The following MAN2A1 variants were observed in gnomAD, a reference collection of about 807,000 sequenced individuals.
The protein encoded by MAN2A1 is alpha-mannosidase 2.
Under a neutral mutation model 142.6 loss-of-function variants are expected in MAN2A1, and 76 were observed. That is an observed-to-expected ratio of 0.53 (90% CI 0.44 to 0.65). The LOEUF (loss-of-function observed/expected upper bound fraction) is 0.65, where lower values mean the gene tolerates loss of function less well. MAN2A1 is among the 30% of genes least tolerant of loss of function. The pLI, the probability that MAN2A1 is intolerant of heterozygous loss-of-function variation, is 0.00. For synonymous variants in MAN2A1, 559 were observed against 473.2 expected (o/e 1.18, Z -2.35); for missense variants, 1,311 against 1,365.1 (o/e 0.96, Z 0.62).
chr5:109,731,482 G>T, intron 4 of MAN2A1, among the ~76,000 whole-genome samples: 1 of 148,502 alleles, frequency 6.7e-6, no homozygotes, highest in East Asian at 2.1e-4. Context: ...TTTAGCATTA[G>T]GTATATCACC....
At chr5:109,745,400 T>C (rs1327369100) in intron 4 of MAN2A1, among the ~76,000 whole-genome samples, 2 of 152,160 alleles carry the variant, frequency 1.3e-5, no homozygotes, top group Non-Finnish European at 2.9e-5. Flanking sequence ...GGTTAAAAAC[T>C]CTGGCTCCCA....
intron 13 of MAN2A1, among the ~76,000 whole-genome samples, chr5:109,818,947 A>G (rs1179576107): frequency 6.6e-6 from 1 of 152,178 alleles, no homozygotes; most frequent in Non-Finnish European, 1.5e-5. Flanking sequence ...GGGGATAACA[A>G]AATCTATGGA....
intron 6 of MAN2A1, among the ~76,000 whole-genome samples, chr5:109,769,572 A>G (rs534184675): frequency 6.6e-6 from 1 of 152,290 alleles, no homozygotes; most frequent in Non-Finnish European, 1.5e-5. Context: ...CTCCAGTCTC[A>G]CTTGTTGGTA....
chr5:109,775,072 TTAGAATA>T, intron 8 of MAN2A1, 107 bp downstream of exon 8: 5 of 690,846 alleles, frequency 7.2e-6, no homozygotes, highest in Non-Finnish European at 1.2e-5. Flanking sequence ...ACAGTGCTTC[TTAGAATA>T]TATAATTCTT....
In MAN2A1 at chr5:109,716,193, C is replaced by T; in HGVS notation, c.464C>T (p.Thr155Ile). The T allele has an allele frequency of 1.2e-6, 2 of 1,611,162 alleles. 1 individual carries two copies. Among genetic ancestry groups the T allele is most frequent in the South Asian group, 2.2e-5 (2 of 90,772 alleles). Residue 155 changes from threonine (T) to isoleucine (I), a missense_variant, in exon 3 of 22, where the codon ACT (threonine) becomes ATT (isoleucine). This residue lies in a region of MAN2A1 where 409 missense variants were observed against 412.7 expected (regional missense o/e 0.99). Coordinates refer to ENST00000261483, the MANE Select transcript of MAN2A1 (RefSeq NM_002372.4). ...GGVWKQGFDI[T>I]YESNEWDTEP... ...GTTTGGAAGCAAGGATTTGACATTA[C>T]TTATGAATCTAATGAATGGGACACT...
chr5:109,732,062 A>T (rs1235004809), intron 4 of MAN2A1, among the ~76,000 whole-genome samples: 27 of 151,818 alleles, frequency 1.8e-4, no homozygotes, highest in Admixed American at 3.3e-4. Context: ...TTCTAACTGG[A>T]GTGAGATGGT....
intron 8 of MAN2A1, among the ~76,000 whole-genome samples, chr5:109,775,711 A>G (rs1753271623): frequency 6.6e-6 from 1 of 152,104 alleles, no homozygotes; most frequent in Non-Finnish European, 1.5e-5. Flanking sequence ...GTATCTCTAA[A>G]TTATAAAAGT....
At chr5:109,771,475 T>G (rs1453612614) in intron 7 of MAN2A1, among the ~76,000 whole-genome samples, 1 of 152,162 alleles carries the variant, frequency 6.6e-6, no homozygotes, top group Non-Finnish European at 1.5e-5. Context: ...TGAAGGTGTT[T>G]TAGCATGGCA....
chr5:109,692,656 C>G (rs1188139633), intron 1 of MAN2A1, among the ~76,000 whole-genome samples: 3 of 152,122 alleles, frequency 2.0e-5, no homozygotes, highest in Admixed American at 6.5e-5. Flanking sequence ...TGTCTTGCCT[C>G]TTAGGAATCT....
At chr5:109,759,702 T>G (rs1379206030) in intron 5 of MAN2A1, among the ~76,000 whole-genome samples, 2 of 152,178 alleles carry the variant, frequency 1.3e-5, no homozygotes, top group Non-Finnish European at 2.9e-5. Flanking sequence ...GGTGGTGCTA[T>G]TTTATATTCC....
intron 20 of MAN2A1, among the ~76,000 whole-genome samples, chr5:109,859,594 A>G (rs968352025): frequency 6.6e-6 from 1 of 152,206 alleles, no homozygotes; most frequent in Non-Finnish European, 1.5e-5. Context: ...TACTAAAAAG[A>G]AGCTTCTGTA....
At chr5:109,832,622 C>T (rs914910169) in intron 16 of MAN2A1, among the ~76,000 whole-genome samples, 4 of 152,332 alleles carry the variant, frequency 2.6e-5, no homozygotes, top group South Asian at 2.1e-4. Flanking sequence ...TTTCCCCACA[C>T]GTCCCCCCCT....
intron 12 of MAN2A1, among the ~76,000 whole-genome samples, chr5:109,797,327 G>A (rs1396409544): frequency 6.6e-6 from 1 of 152,018 alleles, no homozygotes; most frequent in African/African-American, 2.4e-5. Flanking sequence ...ATGAAACAAG[G>A]TGAAACACTG....
intron 19 of MAN2A1, among the ~76,000 whole-genome samples, chr5:109,851,911 A>C (rs115215659): frequency 2.4e-4 from 37 of 152,150 alleles, no homozygotes; most frequent in Non-Finnish European, 4.7e-4. Flanking sequence ...AGGGAGATCA[A>C]CCAGGTTTAA....
intron 15 of MAN2A1, among the ~76,000 whole-genome samples, chr5:109,821,408 C>A (rs1754619205): frequency 6.6e-6 from 1 of 152,156 alleles, no homozygotes; most frequent in Admixed American, 6.5e-5. Context: ...TGCTACAATG[C>A]AATTCTGATT....
At chr5:109,745,223 G>A (rs12188708) in intron 4 of MAN2A1, among the ~76,000 whole-genome samples, 1 of 151,944 alleles carries the variant, frequency 6.6e-6, no homozygotes, top group Non-Finnish European at 1.5e-5. Flanking sequence ...GAAAATATGT[G>A]TATTGTATAT....
intron 3 of MAN2A1, 32 bp from the exon 4 acceptor site, chr5:109,729,310 G>T: frequency 6.8e-7 from 1 of 1,474,114 alleles, no homozygotes; most frequent in South Asian, 1.3e-5. Context: ...ATACGAATTA[G>T]ACCTTTGTGG....
At chr5:109,705,788 C>A (rs563203709) in intron 1 of MAN2A1, among the ~76,000 whole-genome samples, 1 of 152,292 alleles carries the variant, frequency 6.6e-6, no homozygotes, top group South Asian at 2.1e-4. Flanking sequence ...TGTTTCCCTG[C>A]CTTTTCCAGC....
Position 109,867,034 on chromosome 5 carries a change from T to TTAAA in MAN2A1, c.*37_*38insAAAT, listed in dbSNP as rs1244473513. On this transcript the variant is annotated 3_prime_UTR_variant, in exon 22 of 22. Coordinates refer to ENST00000261483, the MANE Select transcript of MAN2A1 (RefSeq NM_002372.4). ...CACATTTGGATTGAGAATCATTGGC[T>TTAAA]TTTATACCTTTCTTGGTTTGACGTG... The TTAAA allele has an allele frequency of 2.1e-5, 33 of 1,575,672 alleles. No individual in the cohort carries two copies. The highest frequency in any genetic ancestry group is 2.9e-5 in the Non-Finnish European group (33 of 1,157,092).
Sources: gnomAD v4.1 joint callset for allele counts (sites outside exome capture counted in the v4.1 genomes callset) on GRCh38, gnomAD v4.1.1 for gene constraint, gnomAD v4.1.1 regional missense constraint, MANE v1.5 for transcripts, NCBI Gene and HGNC (gene_info 2026-07-23, HGNC 2026-07-21) for gene names.